The following OPCML variants were observed in gnomAD, a reference collection of about 807,000 sequenced individuals.
OPCML encodes opioid-binding protein/cell adhesion molecule.
A neutral mutation model predicts 37.8 loss-of-function variants in OPCML; 13 were observed. The ratio of observed to expected loss-of-function variants is 0.34; its 90% confidence interval spans 0.22 to 0.55. The LOEUF is 0.55. OPCML is among the 20% of genes least tolerant of loss of function. OPCML has a pLI of 0.91. For missense variants in OPCML, 341 were observed against 435.6 expected, an observed-to-expected ratio of 0.78 and a Z score of 1.93; for synonymous variants, 176 against 168.8, an observed-to-expected ratio of 1.04 and a Z score of -0.33.
intron 4 of OPCML, among the ~76,000 whole-genome samples, chr11:132,441,168 T>TTTTTTTTTTTTTTG (rs2096032260): frequency 8.9e-6 from 1 of 112,674 alleles, no homozygotes; most frequent in African/African-American, 3.5e-5. Context: ...CTTTTTTGTT[T>TTTTTTTTTTTTTTG]TTTTTTTTTT....
At chr11:133,044,998 A>C (rs1947980030) in intron 1 of OPCML, among the ~76,000 whole-genome samples, 2 of 152,176 alleles carry the variant, frequency 1.3e-5, no homozygotes. Context: ...TTATAAGCAA[A>C]AGAATAAACA....
chr11:132,563,896 C>T (rs1024560883), intron 3 of OPCML, among the ~76,000 whole-genome samples: 2 of 152,166 alleles, frequency 1.3e-5, no homozygotes, highest in African/African-American at 4.8e-5. Context: ...GCAAGATTTA[C>T]CTCCAAAATG....
intron 1 of OPCML, among the ~76,000 whole-genome samples, chr11:133,521,892 G>A (rs1948404702): frequency 6.6e-6 from 1 of 152,214 alleles, no homozygotes; most frequent in African/African-American, 2.4e-5. Flanking sequence ...ATTCTCATAG[G>A]GGCTTGGCCT....
intron 5 of OPCML, 24 bp downstream of exon 5, chr11:132,437,198 C>A (rs769687620): frequency 5.0e-6 from 8 of 1,607,312 alleles, no homozygotes; most frequent in Non-Finnish European, 6.8e-6. Context: ...TTCCCCAGAA[C>A]CCCCTGGCTG....
intron 1 of OPCML, among the ~76,000 whole-genome samples, chr11:133,457,037 C>T (rs1318763931): frequency 6.6e-6 from 1 of 151,914 alleles, no homozygotes; most frequent in South Asian, 2.1e-4. Context: ...ATTAACCAAC[C>T]CAAAGAGACC....
intron 1 of OPCML, among the ~76,000 whole-genome samples, chr11:133,293,917 C>T (rs1942555381): frequency 6.6e-6 from 1 of 150,826 alleles, no homozygotes; most frequent in African/African-American, 2.4e-5. Flanking sequence ...CACACACACA[C>T]ACACACACAC....
chr11:133,443,879 T>G (rs1481848500), intron 1 of OPCML, among the ~76,000 whole-genome samples: 1 of 152,074 alleles, frequency 6.6e-6, no homozygotes, highest in Non-Finnish European at 1.5e-5. Context: ...GAGGCAAAGG[T>G]GGGAGAGTCA....
chr11:133,255,795 C>A (rs1428539525), intron 1 of OPCML, among the ~76,000 whole-genome samples: 1 of 152,144 alleles, frequency 6.6e-6, no homozygotes, highest in Admixed American at 6.5e-5. Context: ...AGGCTTAAAA[C>A]CCCTATGGCT....
intron 1 of OPCML, among the ~76,000 whole-genome samples, chr11:133,415,822 T>A (rs929693239): frequency 6.6e-6 from 1 of 152,080 alleles, no homozygotes; most frequent in African/African-American, 2.4e-5. Context: ...CCATGCTCTT[T>A]ACTGCCCCGT....
intron 2 of OPCML, among the ~76,000 whole-genome samples, chr11:132,722,929 A>G (rs930267399): frequency 6.6e-6 from 1 of 152,216 alleles, no homozygotes; most frequent in Non-Finnish European, 1.5e-5. Context: ...CTATGATTCA[A>G]TGAAAAAGTA....
intron 2 of OPCML, among the ~76,000 whole-genome samples, chr11:132,799,874 C>T (rs781020480): frequency 2.6e-5 from 4 of 152,156 alleles, no homozygotes; most frequent in Non-Finnish European, 4.4e-5. Flanking sequence ...ATTCCTCCAA[C>T]TTAGTCACTT....
chr11:133,005,051 GC>G, intron 1 of OPCML: 1 of 985,316 alleles, frequency 1.0e-6, no homozygotes, highest in South Asian at 4.7e-5. Flanking sequence ...AGCCTGGGAA[GC>G]TTTCATGAAT....
intron 1 of OPCML, among the ~76,000 whole-genome samples, chr11:133,470,459 C>G (rs985557915): frequency 7.2e-5 from 11 of 152,196 alleles, no homozygotes; most frequent in African/African-American, 2.7e-4. Flanking sequence ...CTCCCCCATC[C>G]CTGTGACAGA....
intron 4 of OPCML, among the ~76,000 whole-genome samples, chr11:132,487,619 T>C (rs1474006984): frequency 6.6e-6 from 1 of 152,198 alleles, no homozygotes; most frequent in Admixed American, 6.5e-5. Context: ...TTTGCTACTA[T>C]GAATGACACT....
chr11:133,502,261 G>A (rs959718916), intron 1 of OPCML, among the ~76,000 whole-genome samples: 10 of 152,162 alleles, frequency 6.6e-5, no homozygotes, highest in Non-Finnish European at 8.8e-5. Flanking sequence ...GAGAAATGAC[G>A]CCATACAGCA....
intron 1 of OPCML, among the ~76,000 whole-genome samples, chr11:133,192,041 A>G (rs1938344503): frequency 6.6e-6 from 1 of 152,184 alleles, no homozygotes; most frequent in Non-Finnish European, 1.5e-5. Context: ...TAGGTACAGT[A>G]AAAAAAGAAC....
intron 2 of OPCML, among the ~76,000 whole-genome samples, chr11:132,837,122 C>T (rs1004280150): frequency 6.6e-6 from 1 of 152,106 alleles, no homozygotes; most frequent in East Asian, 1.9e-4. Context: ...CGAGACCAGC[C>T]TGACCAACAT....
intron 2 of OPCML, among the ~76,000 whole-genome samples, chr11:132,745,054 A>T (rs1351081360): frequency 6.6e-6 from 1 of 152,230 alleles, no homozygotes; most frequent in East Asian, 1.9e-4. Context: ...CTGCTGCACC[A>T]GTCTTTTTCA....
chr11:132,852,360 C>T (rs1469705070), intron 2 of OPCML, among the ~76,000 whole-genome samples: 1 of 152,168 alleles, frequency 6.6e-6, no homozygotes, highest in Non-Finnish European at 1.5e-5. Context: ...AGAATTTTAC[C>T]TCCGCTATAC....
Sources: gnomAD v4.1 joint callset for allele counts (sites outside exome capture counted in the v4.1 genomes callset) on GRCh38, gnomAD v4.1.1 for gene constraint, MANE v1.5 for transcripts, NCBI Gene and HGNC (gene_info 2026-07-23, HGNC 2026-07-21) for gene names.